The following LMF2 variants were observed in gnomAD, a reference collection of about 807,000 sequenced individuals.
LMF2 encodes lipase maturation factor 2.
Under a neutral mutation model 81.5 loss-of-function variants are expected in LMF2, and 113 were observed. That is an observed-to-expected ratio of 1.39 (90% CI 1.19 to 1.62). The LOEUF is 1.62. Among genes scored for constraint, LMF2 ranks in the 40% most tolerant of loss-of-function variants. LMF2 has a pLI of 0.00. For missense variants in LMF2, 1,235 were observed against 929.1 expected (o/e 1.33, Z -4.28); for synonymous variants, 645 against 424.5 (o/e 1.52, Z -6.39).
chr22:50,503,442 T>C lies in LMF2; in HGVS notation c.2073A>G (p.Ala691=). 2 of 1,604,964 alleles carry C rather than the reference T, an allele frequency of 1.2e-6. No individual in the cohort carries two copies. The highest frequency in any genetic ancestry group is 1.7e-6 in the Non-Finnish European group (2 of 1,177,532). The part of the protein sequence containing the change: ...DSGAASEQAT[A]APNPCSSSSR... ...AACTACTGGAGCAGGGGTTGGGGGCTGCGGTGGCCTGTTCGGAGGCAGCTC... is the reference window on the plus strand; with the variant it reads ...AACTACTGGAGCAGGGGTTGGGGGCCGCGGTGGCCTGTTCGGAGGCAGCTC... Residue 691 remains alanine (A), a synonymous_variant, in exon 14 of 14, where the codon GCA becomes GCG. Transcript: ENST00000474879.
At chr22:50,506,743 G>A (rs553162668) in intron 2 of LMF2, 39 bp downstream of exon 2, 3 of 1,612,454 alleles carry the variant, frequency 1.9e-6, no homozygotes, top group Admixed American at 3.3e-5. Context: ...GGGTGGTGGG[G>A]GTTGGAGATA....
chr22:50,503,363 C>T lies in LMF2; in HGVS notation c.*28G>A. On this transcript the variant is annotated 3_prime_UTR_variant, in exon 14 of 14. Coordinates refer to ENST00000474879, the MANE Select transcript of LMF2 (RefSeq NM_033200.3). ...AGAGCACTCCCGGCGACCTGGCCCT[C>T]TCAGGACGTGCAGCTGGGAGAACAC... The T allele has an allele frequency of 1.2e-6, 2 of 1,609,464 alleles. No homozygotes were observed. The highest frequency in any genetic ancestry group is 1.7e-6 in the Non-Finnish European group (2 of 1,178,740).
Position 50,504,336 on chromosome 22 carries a change from T to G in LMF2, c.1718+4A>C, listed in dbSNP as rs2068493284. 1 of 1,606,520 alleles carries G rather than the reference T, an allele frequency of 6.2e-7. No homozygotes were observed. Among genetic ancestry groups the G allele is most frequent in the Middle Eastern group, 1.7e-4 (1 of 5,932 alleles). On this transcript the variant is annotated splice_donor_region_variant and intron_variant, in intron 12 of 13. Coordinates refer to ENST00000474879, the MANE Select transcript of LMF2 (RefSeq NM_033200.3). ...TCCACACCCCACCCGGTGCCCAGCC[T>G]TACCCCTGCTCCCCAGGCTGGGAGA...
At chr22:50,505,905 G>A in intron 5 of LMF2, 90 bp from the exon 6 acceptor site, 2 of 1,581,992 alleles carry the variant, frequency 1.3e-6, no homozygotes, top group Non-Finnish European at 1.7e-6. Context: ...GCATCCCTCT[G>A]CTACAAGGCC....
Position 50,506,063 on chromosome 22 carries a change from C to T in LMF2, c.746G>A (p.Arg249His), listed in dbSNP as rs112782856. 4,049 of 1,591,350 alleles carry T rather than the reference C, an allele frequency of 2.5e-3. 9 individuals are homozygous for T. The highest frequency in any genetic ancestry group is 5.6e-3 in the Middle Eastern group (34 of 6,034). The change falls in exon 5 of 14, where the codon CGC (arginine) becomes CAC (histidine). Residue 249 changes from arginine (R) to histidine (H), a missense_variant. Transcript: ENST00000474879. Reference sequence around the variant, plus strand: ...CGAGTAGAAAGCAGCCAAGCGCAGGCGTCGAATGGGGGCGAAGAACAGGGG... The same window carrying T: ...CGAGTAGAAAGCAGCCAAGCGCAGGTGTCGAATGGGGGCGAAGAACAGGGG... ...VPPLFFAPIR[R>H]LRLAAFYSQV...
rs922800709 is a variant in LMF2 at position 50,505,173 on chromosome 22, G to A, written c.1158-20C>T. ...GTCCACCTGTGGGCAAGGACCCAAG[G>A]TCGTCAGGCCGGCCCTGCACACCTG... On this transcript the variant is annotated intron_variant, in intron 8 of 13. Coordinates refer to ENST00000474879, the MANE Select transcript of LMF2 (RefSeq NM_033200.3). 2 of 1,612,744 alleles carry A rather than the reference G, an allele frequency of 1.2e-6. No homozygotes were observed. Among genetic ancestry groups the A allele is most frequent in the African/African-American group, 1.3e-5 (1 of 74,920 alleles).
At position 50,503,465 on chromosome 22, in the gene LMF2, CTCCGGAG is replaced by C; in HGVS notation, c.2043_2049del (p.Asp681GlufsTer56). On this transcript the variant is annotated frameshift_variant, in exon 14 of 14. Transcript: ENST00000474879. LOFTEE classifies it low-confidence loss of function (END_TRUNC). The stretch of plus-strand genomic sequence containing the variant: ...GCTGCGGTGGCCTGTTCGGAGGCAG[CTCCGGAG>C]TCTTTCTGGGAGGCTGGCCTGCGCT... 1 of 1,596,902 alleles carries C rather than the reference CTCCGGAG, an allele frequency of 6.3e-7. No homozygotes were observed. Among genetic ancestry groups the C allele is most frequent in the Non-Finnish European group, 8.5e-7 (1 of 1,174,792 alleles).
chr22:50,507,145 C>G, intron 1 of LMF2, 110 bp from the exon 2 acceptor site: 1 of 1,450,644 alleles, frequency 6.9e-7, no homozygotes, highest in Non-Finnish European at 9.1e-7. Flanking sequence ...GCGGATACCT[C>G]CATCCCTAGG....
Position 50,505,283 on chromosome 22 carries a change from G to C in LMF2, c.1103C>G (p.Thr368Ser). The change falls in exon 8 of 14, where the codon ACT becomes AGT. Residue 368 changes from threonine (T) to serine (S), a missense_variant. Physicochemically the swap from Thr to Ser is moderately conservative, Grantham distance 58 (BLOSUM62 1). Coordinates refer to ENST00000474879, the MANE Select transcript of LMF2 (RefSeq NM_033200.3). ...SQWLKTLTLP[T>S]VWLGVASLVW... ...CAGGGAGGCCACACCCAGCCACACA[G>C]TGGGCAGCGTCAGTGTCTTCAGCCA... 1.9e-6 allele frequency: 3 copies of C among 1,613,314 alleles called. No individual in the cohort carries two copies. The highest frequency in any genetic ancestry group is 2.5e-6 in the Non-Finnish European group (3 of 1,180,022).
intron 1 of LMF2, 28 bp from the exon 2 acceptor site, chr22:50,507,063 C>G (rs1337688423): frequency 1.9e-6 from 3 of 1,566,832 alleles, no homozygotes; most frequent in Non-Finnish European, 2.6e-6. Context: ...ATGGCCAGGC[C>G]CTGGACAGCC....
rs559358261 is a variant in LMF2, at chr22:50,504,716, G to A, written c.1449C>T (p.Phe483=). 1.2e-6 allele frequency: 2 copies of A among 1,609,800 alleles called. No individual in the cohort carries two copies. Among genetic ancestry groups the A allele is most frequent in the Non-Finnish European group, 1.7e-6 (2 of 1,179,282 alleles). ...YDGHHWTEIE[F]MYKPGNLSRP... is the part of the protein sequence containing the mutation. The stretch of plus-strand genomic sequence containing the variant: ...GGCTCAGGTTCCCAGGCTTGTACAT[G>A]AACTCGATCTCCTGCCAGGCAGGCC... The change falls in exon 11 of 14, where the codon TTC becomes TTT. Residue 483 remains phenylalanine, a synonymous_variant. Transcript: ENST00000474879.
rs151011980 is a variant in LMF2, at chr22:50,503,488, G to A, written c.2027C>T (p.Pro676Leu). Residue 676 changes from proline (P) to leucine (L), a missense_variant, in exon 14 of 14, where the codon CCA (proline) becomes CTA (leucine). Transcript: ENST00000474879. ...AGCTCCGGAGTCTTTCTGGGAGGCT[G>A]GCCTGCGCTTCTCCCCGCTGACTGG... Reference protein sequence around the residue: ...LAPVSGEKRRPASQKDSGAAS... With the variant: ...LAPVSGEKRRLASQKDSGAAS... 1.2e-4 allele frequency: 198 copies of A among 1,590,506 alleles called. No homozygotes were observed. Among genetic ancestry groups the A allele is most frequent in the Middle Eastern group, 6.8e-4 (4 of 5,918 alleles).
chr22:50,504,495 G>GCCCCCCCCC, intron 11 of LMF2, 44 bp from the exon 12 acceptor site: 2 of 1,339,594 alleles, frequency 1.5e-6, no homozygotes, highest in Non-Finnish European at 2.1e-6. Context: ...TACCCGCCCT[G>GCCCCCCCCC]CCCCTCCCCT....
In LMF2 at chr22:50,503,657, C is replaced by T. The variant is rs1409912103; in HGVS notation, c.1858G>A (p.Ala620Thr). 8 of 1,592,776 alleles carry T rather than the reference C, an allele frequency of 5.0e-6. No homozygotes were observed. Among genetic ancestry groups the T allele is most frequent in the African/African-American group, 2.7e-5 (2 of 74,498 alleles). The change falls in exon 14 of 14, where the codon GCC (alanine) becomes ACC (threonine). Residue 620 changes from alanine (A) to threonine (T), a missense_variant. Transcript: ENST00000474879. ...PRTRSANSTL[A>T]QALHWTRSQL... ...GAGCGAGTCCAGTGGAGGGCCTGGG[C>T]CAGGGTGCTGTTGGCGCTGCGGGTG...
In LMF2 at chr22:50,504,426, C is replaced by T. The variant is rs2068497267; in HGVS notation, c.1632G>A (p.Val544=). The T allele has an allele frequency of 8.7e-6, 14 of 1,612,130 alleles. No homozygotes were observed. The highest frequency in any genetic ancestry group is 1.3e-5 in the African/African-American group (1 of 74,814). Residue 544 remains valine, a synonymous_variant, in exon 12 of 14, where the codon GTG becomes GTA. Transcript: ENST00000474879. ...GCTGCTTGTGGAAGGGATACCTGGC[C>T]ACTTGGCTCTGGACAAGGCGGATCA... ...EPVIRLVQSQ[V]ARYPFHKQPP...
intron 5 of LMF2, 92 bp downstream of exon 5, chr22:50,505,943 C>A: frequency 6.4e-7 from 1 of 1,560,146 alleles, no homozygotes; most frequent in Non-Finnish European, 8.7e-7. Context: ...CAGCTGTCCC[C>A]GGGAGCCACG....
chr22:50,503,040 C>T lies in LMF2; in HGVS notation c.*351G>A. 1 of 277,510 alleles carries T rather than the reference C, an allele frequency of 3.6e-6. No individual in the cohort carries two copies. Among genetic ancestry groups the T allele is most frequent in the South Asian group, 5.8e-5 (1 of 17,166 alleles). The allele number at this position is 277,510 out of a possible 1,614,324, so 17.2% of individuals were successfully genotyped here. A position where few individuals can be genotyped will look rare whatever the true frequency, so the allele number is the denominator to read the frequency against. ...GACGTGGAAGATGACAGTGCTTCCC[C>T]TCTTCCCCTGGGAGTCAGCCTCTTC... On this transcript the variant is annotated 3_prime_UTR_variant, in exon 14 of 14. Coordinates refer to ENST00000474879, the MANE Select transcript of LMF2 (RefSeq NM_033200.3).
rs767775436 is a variant in LMF2 at position 50,505,387 on chromosome 22, C to A, written c.1051+16G>T. The A allele has an allele frequency of 1.2e-6, 2 of 1,613,126 alleles. No homozygotes were observed. The highest frequency in any genetic ancestry group is 3.3e-5 in the Admixed American group (2 of 60,014). Reference sequence around the variant, plus strand: ...GGTCCGCCCCTGCCCTCTGGCCCCCCCAGGTCGGCACTCACTGGTTCTGGA... The same window carrying A: ...GGTCCGCCCCTGCCCTCTGGCCCCCACAGGTCGGCACTCACTGGTTCTGGA... On this transcript the variant is annotated intron_variant, in intron 7 of 13. Coordinates refer to ENST00000474879, the MANE Select transcript of LMF2 (RefSeq NM_033200.3).
In LMF2 at chr22:50,503,513, G is replaced by A; in HGVS notation, c.2002C>T (p.Pro668Ser). ...GGCCTGCGCTTCTCCCCGCTGACTG[G>A]TGCCAGCGGGGAGGACCGGAGAGAA... ...PCSLRSSPLAPVSGEKRRPAS... is the reference protein window; with the variant it reads ...PCSLRSSPLASVSGEKRRPAS... The change falls in exon 14 of 14, where the codon CCA (proline) becomes TCA (serine). Residue 668 changes from proline to serine, a missense_variant. Transcript: ENST00000474879. 1 of 1,578,352 alleles carries A rather than the reference G, an allele frequency of 6.3e-7. No homozygotes were observed. Among genetic ancestry groups the A allele is most frequent in the South Asian group, 1.1e-5 (1 of 87,056 alleles).
Sources: allele counts gnomAD v4.1 joint callset, GRCh38; gene constraint gnomAD v4.1.1; transcripts MANE v1.5; gene names NCBI Gene and HGNC (gene_info 2026-07-23, HGNC 2026-07-21).